The following MARCHF1 variants were observed in gnomAD, a reference collection of about 807,000 sequenced individuals.
MARCHF1 encodes E3 ubiquitin-protein ligase MARCHF1.
A neutral mutation model predicts 54.2 loss-of-function variants in MARCHF1; 40 were observed. The observed-to-expected ratio is 0.74, with a 90% confidence interval of 0.57 to 0.96. The LOEUF (loss-of-function observed/expected upper bound fraction) is 0.96. Ranked by LOEUF, MARCHF1 falls within the 40% of genes least tolerant of loss-of-function variation. The pLI is 0.00. For missense variants in MARCHF1, 586 were observed against 656.5 expected (o/e 0.89, Z 1.17); for synonymous variants, 236 against 236.3 (o/e 1.00, Z 0.01).
intron 2 of MARCHF1, among the ~76,000 whole-genome samples, chr4:164,037,713 A>T (rs1344384469): frequency 1.3e-5 from 2 of 152,204 alleles, no homozygotes; most frequent in Non-Finnish European, 2.9e-5. Context: ...ACGTTGGAGA[A>T]GTCTGACAAA....
intron 1 of MARCHF1, among the ~76,000 whole-genome samples, chr4:164,152,503 A>G (rs1275248015): frequency 1.3e-5 from 2 of 152,288 alleles, no homozygotes; most frequent in East Asian, 3.9e-4. Flanking sequence ...GCATAACATT[A>G]TGAAACAAGG....
chr4:163,594,783 CA>C (rs1233099872), intron 7 of MARCHF1, among the ~76,000 whole-genome samples: 2 of 150,786 alleles, frequency 1.3e-5, no homozygotes, highest in African/African-American at 4.9e-5. Context: ...CACACACACA[CA>C]CACCCAAACC....
intron 1 of MARCHF1, among the ~76,000 whole-genome samples, chr4:164,205,797 T>TA (rs1166306046): frequency 1.3e-5 from 2 of 152,154 alleles, no homozygotes; most frequent in South Asian, 2.1e-4. Context: ...TCTACAACCA[T>TA]AAAAAATAGT....
chr4:163,824,998 C>T (rs1177735870), intron 4 of MARCHF1, among the ~76,000 whole-genome samples: 1 of 151,332 alleles, frequency 6.6e-6, no homozygotes, highest in Non-Finnish European at 1.5e-5. Context: ...ACAACAGGTG[C>T]TGGAGAGGAT....
At chr4:164,255,996 A>G (rs1339239153) in intron 1 of MARCHF1, among the ~76,000 whole-genome samples, 1 of 152,096 alleles carries the variant, frequency 6.6e-6, no homozygotes, top group Non-Finnish European at 1.5e-5. Context: ...GACATTCACA[A>G]GAAAAAAATG....
chr4:163,689,602 A>G (rs1369440274), intron 5 of MARCHF1, among the ~76,000 whole-genome samples: 1 of 152,152 alleles, frequency 6.6e-6, no homozygotes, highest in Non-Finnish European at 1.5e-5. Context: ...TGGATAGTGC[A>G]GTTCTAGAGT....
At chr4:163,987,244 C>T (rs752095592) in intron 3 of MARCHF1, among the ~76,000 whole-genome samples, 31 of 152,146 alleles carry the variant, frequency 2.0e-4, no homozygotes, top group Admixed American at 5.2e-4. Context: ...TTTTAATTCT[C>T]AGAAATTCCA....
chr4:164,105,772 A>C (rs1307559182), intron 2 of MARCHF1, among the ~76,000 whole-genome samples: 7 of 122,238 alleles, frequency 5.7e-5, no homozygotes, highest in South Asian at 2.5e-4. Flanking sequence ...AATGGGATCT[A>C]ATTAAACTAA....
At chr4:163,993,532 G>C (rs539579046) in intron 2 of MARCHF1, among the ~76,000 whole-genome samples, 1 of 152,050 alleles carries the variant, frequency 6.6e-6, no homozygotes, top group Non-Finnish European at 1.5e-5. Flanking sequence ...TTCTGAAGTT[G>C]AGCAGATTAC....
intron 5 of MARCHF1, among the ~76,000 whole-genome samples, chr4:163,693,212 A>G (rs748168218): frequency 4.0e-5 from 6 of 151,450 alleles, no homozygotes; most frequent in Non-Finnish European, 8.8e-5. Context: ...AAACGAACGT[A>G]TCTTCAGGAG....
At chr4:164,205,819 T>C (rs1190511875) in intron 1 of MARCHF1, among the ~76,000 whole-genome samples, 1 of 152,118 alleles carries the variant, frequency 6.6e-6, no homozygotes, top group Non-Finnish European at 1.5e-5. Flanking sequence ...AAAAATAATT[T>C]GTAAGGTAGC....
chr4:163,885,220 G>A (rs1196786492), intron 3 of MARCHF1, among the ~76,000 whole-genome samples: 2 of 152,160 alleles, frequency 1.3e-5, no homozygotes, highest in Non-Finnish European at 2.9e-5. Flanking sequence ...CATTTGGTGA[G>A]GATGGATGGG....
chr4:163,677,046 C>T (rs1265646062), intron 5 of MARCHF1, among the ~76,000 whole-genome samples: 1 of 152,080 alleles, frequency 6.6e-6, no homozygotes, highest in East Asian at 1.9e-4. Flanking sequence ...GAAGGCATGA[C>T]ATAAGAATTT....
intron 1 of MARCHF1, among the ~76,000 whole-genome samples, chr4:164,272,954 T>C (rs1733779289): frequency 1.3e-5 from 2 of 152,090 alleles, no homozygotes; most frequent in South Asian, 4.1e-4. Flanking sequence ...GTATGCACGA[T>C]TGTACATACA....
chr4:164,299,321 C>A (rs940158682), intron 1 of MARCHF1, among the ~76,000 whole-genome samples: 15 of 151,880 alleles, frequency 9.9e-5, no homozygotes, highest in Non-Finnish European at 1.5e-5. Context: ...AGAAAAAAAA[C>A]CCTAGCACTA....
At chr4:163,669,766 T>G (rs968996637) in intron 5 of MARCHF1, among the ~76,000 whole-genome samples, 5 of 152,028 alleles carry the variant, frequency 3.3e-5, no homozygotes, top group African/African-American at 1.2e-4. Context: ...ACCTGGCTAA[T>G]TTTTGTATTT....
At chr4:164,063,132 T>C (rs1473480616) in intron 2 of MARCHF1, among the ~76,000 whole-genome samples, 5 of 152,184 alleles carry the variant, frequency 3.3e-5, no homozygotes, top group African/African-American at 1.2e-4. Context: ...CAGAGTATAC[T>C]TTGCGTAATT....
chr4:163,929,985 T>TAA (rs1323464433), intron 3 of MARCHF1, among the ~76,000 whole-genome samples: 1 of 132,542 alleles, frequency 7.5e-6, no homozygotes, highest in African/African-American at 2.8e-5. Context: ...ATATATAATA[T>TAA]ATATATAATA....
chr4:163,704,261 T>G (rs1196690570), intron 4 of MARCHF1, among the ~76,000 whole-genome samples: 1 of 151,804 alleles, frequency 6.6e-6, no homozygotes, highest in Non-Finnish European at 1.5e-5. Context: ...CTAAGGTAAT[T>G]TGGAGGGTCA....
Sources: allele counts gnomAD v4.1 joint callset (sites outside exome capture counted in the v4.1 genomes callset), GRCh38; gene constraint gnomAD v4.1.1; transcripts MANE v1.5; gene names NCBI Gene and HGNC (gene_info 2026-07-23, HGNC 2026-07-21).